Variants in MCTP1 observed in about 807,000 individuals in gnomAD.
MCTP1 encodes the protein multiple C2 and transmembrane domain containing 1, also known as multiple C2 and transmembrane domain-containing protein 1.
In MCTP1, 69 loss-of-function variants were observed where a neutral mutation model predicts 120.6. The ratio of observed to expected loss-of-function variants is 0.57; its 90% CI spans 0.47 to 0.70. MCTP1 has a LOEUF of 0.70. Ranked by LOEUF, MCTP1 falls within the 30% of genes least tolerant of loss-of-function variation. MCTP1 has a pLI of 0.00. For missense variants in MCTP1, 1,203 were observed against 1,248.8 expected, an observed-to-expected ratio of 0.96 and a Z score of 0.55; for synonymous variants, 529 against 493.1, an observed-to-expected ratio of 1.07 and a Z score of -0.96.
intron 2 of MCTP1, among the ~76,000 whole-genome samples, chr5:94,974,269 C>A (rs952160306): frequency 3.3e-5 from 5 of 152,074 alleles, no homozygotes; most frequent in Admixed American, 2.6e-4. Context: ...ATAAATAGAA[C>A]AAGCACAGTG....
intron 9 of MCTP1, among the ~76,000 whole-genome samples, chr5:94,911,133 C>T (rs1808454026): frequency 6.6e-6 from 1 of 152,098 alleles, no homozygotes; most frequent in African/African-American, 2.4e-5. Flanking sequence ...GTGAAAACTT[C>T]CTGGGCTGGA....
intron 19 of MCTP1, among the ~76,000 whole-genome samples, chr5:94,759,602 A>C (rs963167104): frequency 6.6e-6 from 1 of 152,212 alleles, no homozygotes; most frequent in Non-Finnish European, 1.5e-5. Context: ...AGTACAACTT[A>C]AATCATTTTA....
intron 1 of MCTP1, among the ~76,000 whole-genome samples, chr5:95,180,049 G>C (rs1294420111): frequency 3.3e-5 from 5 of 152,126 alleles, no homozygotes. Context: ...GAAAGACAAA[G>C]AGGGACATTA....
At chr5:95,129,958 G>A (rs1446576878) in intron 1 of MCTP1, among the ~76,000 whole-genome samples, 1 of 152,178 alleles carries the variant, frequency 6.6e-6, no homozygotes, top group African/African-American at 2.4e-5. Context: ...ACCCTGCCCA[G>A]CCAGAGGATG....
chr5:95,023,277 C>G (rs1286701328), intron 1 of MCTP1, among the ~76,000 whole-genome samples: 1 of 152,152 alleles, frequency 6.6e-6, no homozygotes, highest in Non-Finnish European at 1.5e-5. Flanking sequence ...GGCCTTTTCC[C>G]TCTGTAAGAG....
intron 1 of MCTP1, among the ~76,000 whole-genome samples, chr5:95,220,999 T>A (rs1562251352): frequency 6.6e-6 from 1 of 152,164 alleles, no homozygotes; most frequent in Non-Finnish European, 1.5e-5. Context: ...GGACCTAAAG[T>A]GCTTAAAATA....
intron 1 of MCTP1, among the ~76,000 whole-genome samples, chr5:95,117,234 GA>G (rs1206928255): frequency 6.6e-6 from 1 of 151,508 alleles, no homozygotes; most frequent in East Asian, 1.9e-4. Context: ...ACTAAAAACA[GA>G]AAAAAATTAG....
At chr5:94,845,867 TAA>T in intron 17 of MCTP1, among the ~76,000 whole-genome samples, 1 of 152,224 alleles carries the variant, frequency 6.6e-6, no homozygotes, top group East Asian at 1.9e-4. Flanking sequence ...AGACACTTTT[TAA>T]AAGCATGTGG....
At chr5:94,796,578 C>CGTGG (rs1780063265) in intron 18 of MCTP1, among the ~76,000 whole-genome samples, 4 of 137,686 alleles carry the variant, frequency 2.9e-5, no homozygotes. Flanking sequence ...TGTGTATCCA[C>CGTGG]ATACACACAC....
chr5:94,791,512 C>CACACACACAT (rs1778964597), intron 18 of MCTP1, among the ~76,000 whole-genome samples: 1 of 151,620 alleles, frequency 6.6e-6, no homozygotes, highest in Non-Finnish European at 1.5e-5. Flanking sequence ...CACACACACA[C>CACACACACAT]ACACACTCAT....
chr5:94,843,087 A>T (rs373185644), intron 17 of MCTP1, among the ~76,000 whole-genome samples: 2 of 151,988 alleles, frequency 1.3e-5, no homozygotes, highest in South Asian at 2.1e-4. Context: ...TCTATGAAAT[A>T]TATTTTTTAT....
chr5:94,822,801 T>C (rs979511980), intron 17 of MCTP1, among the ~76,000 whole-genome samples: 3 of 152,238 alleles, frequency 2.0e-5, no homozygotes, highest in African/African-American at 7.2e-5. Context: ...ATTTCTCTGA[T>C]GACCAGTGAT....
chr5:94,942,882 T>G (rs1818067801), intron 3 of MCTP1, among the ~76,000 whole-genome samples: 1 of 152,094 alleles, frequency 6.6e-6, no homozygotes, highest in African/African-American at 2.4e-5. Flanking sequence ...ATTAACCTAC[T>G]TTATAAAGTT....
chr5:94,832,256 A>G (rs1788686594), intron 17 of MCTP1, among the ~76,000 whole-genome samples: 1 of 120,976 alleles, frequency 8.3e-6, no homozygotes, highest in South Asian at 2.5e-4. Flanking sequence ...ATTGTTCTAA[A>G]CTAGATTAAG....
chr5:95,137,728 C>T (rs1284187012), intron 1 of MCTP1, among the ~76,000 whole-genome samples: 3 of 152,090 alleles, frequency 2.0e-5, no homozygotes, highest in Non-Finnish European at 4.4e-5. Flanking sequence ...TTAGTATATA[C>T]ATTATTGTAA....
At chr5:95,247,569 C>T (rs1756941776) in intron 1 of MCTP1, among the ~76,000 whole-genome samples, 1 of 152,086 alleles carries the variant, frequency 6.6e-6, no homozygotes, top group South Asian at 2.1e-4. Flanking sequence ...TAAATGGGTC[C>T]CAGAGATTCT....
chr5:94,720,712 TAAG>T (rs1265523189), intron 19 of MCTP1, among the ~76,000 whole-genome samples: 1 of 152,220 alleles, frequency 6.6e-6, no homozygotes, highest in Non-Finnish European at 1.5e-5. Flanking sequence ...ACTTTTGTAA[TAAG>T]AATATTTCCC....
intron 1 of MCTP1, among the ~76,000 whole-genome samples, chr5:95,060,048 T>A (rs189633804): frequency 6.6e-6 from 1 of 152,326 alleles, no homozygotes; most frequent in Admixed American, 6.5e-5. Context: ...GGAGTCATTT[T>A]GGAAATAAGT....
chr5:95,028,018 CCT>C lies in MCTP1; in HGVS notation c.721-10536_721-10535del, dbSNP rs1368163130. On this transcript the variant is annotated intron_variant, in intron 1 of 22. Transcript: ENST00000515393. ...CTGTGTGATGCTCATGCACAGCACC[CCT>C]GAGGGACTAGCTCACCACTCAAAGG... Among the ~76,000 whole-genome samples, 9 of 152,268 alleles carry C rather than the reference CCT, an allele frequency of 5.9e-5. No individual in the cohort carries two copies. In the South Asian group the frequency reaches 1.9e-3, roughly 32 times the overall value.
Sources: allele counts gnomAD v4.1 joint callset (sites outside exome capture counted in the v4.1 genomes callset), GRCh38; gene constraint gnomAD v4.1.1; transcripts MANE v1.5; gene names NCBI Gene and HGNC (gene_info 2026-07-23, HGNC 2026-07-21).